Variants in UMAD1 observed in about 807,000 individuals in gnomAD.
UMAD1 encodes UBAP1-MVB12-associated (UMA) domain containing 1.
In UMAD1, 8 loss-of-function variants were observed where a neutral mutation model predicts 6.1. The observed-to-expected ratio is 1.30, with a 90% CI of 0.76 to 2.35. The LOEUF (loss-of-function observed/expected upper bound fraction) is 2.35. Among genes scored for constraint, UMAD1 ranks in the 30% most tolerant of loss-of-function variants. The pLI, the probability that UMAD1 is intolerant of heterozygous loss-of-function variation, is 0.00. For missense variants in UMAD1, 130 were observed against 78.4 expected, an observed-to-expected ratio of 1.66 and a Z score of -2.49; for synonymous variants, 56 against 31.4, an observed-to-expected ratio of 1.78 and a Z score of -2.61.
chr7:7,850,997 A>G (rs1229380483), intron 3 of UMAD1, among the ~76,000 whole-genome samples: 1 of 152,196 alleles, frequency 6.6e-6, no homozygotes, highest in Non-Finnish European at 1.5e-5. Context: ...TAAGTGTTCA[A>G]AGATATATAA....
intron 1 of UMAD1, among the ~76,000 whole-genome samples, chr7:7,660,516 G>A (rs570941830): frequency 6.6e-6 from 1 of 152,280 alleles, no homozygotes; most frequent in East Asian, 1.9e-4. Flanking sequence ...AAATCTCTCA[G>A]CATTTGCTTG....
intron 3 of UMAD1, among the ~76,000 whole-genome samples, chr7:7,848,385 A>G (rs1306795393): frequency 1.3e-5 from 2 of 152,100 alleles, no homozygotes; most frequent in African/African-American, 4.8e-5. Context: ...AAGTTACACG[A>G]GTGTTGGTTG....
At chr7:7,792,427 G>T (rs1219849309) in intron 2 of UMAD1, among the ~76,000 whole-genome samples, 1 of 152,164 alleles carries the variant, frequency 6.6e-6, no homozygotes, top group African/African-American at 2.4e-5. Flanking sequence ...TAAATGGACA[G>T]AATTAGAAAA....
At chr7:7,875,423 C>T (rs1234260642) in intron 3 of UMAD1, among the ~76,000 whole-genome samples, 1 of 151,968 alleles carries the variant, frequency 6.6e-6, no homozygotes, top group Admixed American at 6.6e-5. Context: ...GAAAGATTAA[C>T]AAAATAGATG....
At chr7:7,875,994 C>T (rs1255022186) in intron 3 of UMAD1, among the ~76,000 whole-genome samples, 1 of 152,214 alleles carries the variant, frequency 6.6e-6, no homozygotes, top group East Asian at 1.9e-4. Flanking sequence ...AGGGAGGATA[C>T]AGTGAGCCAG....
intron 2 of UMAD1, among the ~76,000 whole-genome samples, chr7:7,746,762 C>T (rs753569979): frequency 1.3e-5 from 2 of 152,230 alleles, no homozygotes; most frequent in Admixed American, 6.5e-5. Flanking sequence ...TGTTTCACAC[C>T]TTTATCTTAA....
At chr7:7,869,776 T>G (rs1414031508) in intron 3 of UMAD1, among the ~76,000 whole-genome samples, 2 of 152,208 alleles carry the variant, frequency 1.3e-5, no homozygotes, top group African/African-American at 4.8e-5. Flanking sequence ...GTTACTGGAA[T>G]TTTGTGCCAG....
intron 2 of UMAD1, among the ~76,000 whole-genome samples, chr7:7,755,777 G>A (rs56352031): frequency 0.02 from 3,003 of 152,264 alleles, 40 homozygotes; most frequent in Non-Finnish European, 0.033. Context: ...GGCTAAGTAC[G>A]TATGTAATGT....
chr7:7,642,796 C>T (rs1785004380), intron 1 of UMAD1, among the ~76,000 whole-genome samples: 1 of 152,144 alleles, frequency 6.6e-6, no homozygotes, highest in African/African-American at 2.4e-5. Flanking sequence ...CAATGAAGCC[C>T]TCCTTGCTAC....
intron 3 of UMAD1, among the ~76,000 whole-genome samples, chr7:7,838,689 C>A (rs1038777852): frequency 1.3e-5 from 2 of 152,080 alleles, no homozygotes; most frequent in Admixed American, 6.5e-5. Context: ...AGAAACAACA[C>A]AAATATCCAT....
At chr7:7,739,746 A>G (rs1781426812) in intron 2 of UMAD1, among the ~76,000 whole-genome samples, 1 of 152,220 alleles carries the variant, frequency 6.6e-6, no homozygotes, top group Admixed American at 6.5e-5. Context: ...TTTTTTGCAG[A>G]GAAATTATGA....
chr7:7,775,090 A>C (rs1334168076), intron 2 of UMAD1, among the ~76,000 whole-genome samples: 1 of 152,172 alleles, frequency 6.6e-6, no homozygotes, highest in African/African-American at 2.4e-5. Flanking sequence ...TTCACTGCCA[A>C]AATTTTCCAA....
chr7:7,691,346 A>G (rs933436760), intron 2 of UMAD1, among the ~76,000 whole-genome samples: 1 of 152,232 alleles, frequency 6.6e-6, no homozygotes, highest in Non-Finnish European at 1.5e-5. Flanking sequence ...AGTCGTCATC[A>G]TTATTTTATA....
chr7:7,675,767 T>C (rs574980678), intron 2 of UMAD1, among the ~76,000 whole-genome samples: 29 of 152,220 alleles, frequency 1.9e-4, no homozygotes, highest in African/African-American at 6.7e-4. Flanking sequence ...ATCACTTCCG[T>C]CGTAGTTCCA....
chr7:7,795,044 C>G (rs1238143507), intron 2 of UMAD1, among the ~76,000 whole-genome samples: 1 of 152,232 alleles, frequency 6.6e-6, no homozygotes, highest in Non-Finnish European at 1.5e-5. Context: ...CCAACTATGA[C>G]TTGTAAGAAC....
intron 2 of UMAD1, among the ~76,000 whole-genome samples, chr7:7,777,498 T>C (rs1294108603): frequency 2.8e-5 from 3 of 106,080 alleles, no homozygotes; most frequent in Non-Finnish European, 5.4e-5. Context: ...AGTGTGAGAC[T>C]CCATCTCAAA....
At chr7:7,681,710 T>G (rs1779917272) in intron 2 of UMAD1, among the ~76,000 whole-genome samples, 1 of 152,260 alleles carries the variant, frequency 6.6e-6, no homozygotes, top group South Asian at 2.1e-4. Context: ...ATACTACTAT[T>G]TAAAAATCCA....
chr7:7,765,693 T>C (rs184725689), intron 2 of UMAD1, among the ~76,000 whole-genome samples: 253 of 152,318 alleles, frequency 1.7e-3, no homozygotes, highest in Non-Finnish European at 1.8e-3. Flanking sequence ...GCAATACTTT[T>C]GTTGACTGAG....
intron 2 of UMAD1, among the ~76,000 whole-genome samples, chr7:7,784,509 GTAT>G (rs1021195736): frequency 1.2e-4 from 18 of 144,290 alleles, no homozygotes; most frequent in African/African-American, 5.0e-4. Context: ...CTAATTTTTT[GTAT>G]TTTTTTTTTT....
Sources: gnomAD v4.1 joint callset for allele counts (sites outside exome capture counted in the v4.1 genomes callset) on GRCh38, gnomAD v4.1.1 for gene constraint, MANE v1.5 for transcripts, NCBI Gene and HGNC (gene_info 2026-07-23, HGNC 2026-07-21) for gene names.